PWP1: variants seen among roughly 807,000 people sequenced by gnomAD.
PWP1 encodes the protein PWP1 homolog, endonuclein.
In PWP1, 47 loss-of-function variants were observed where a neutral mutation model predicts 69.9. The ratio of observed to expected loss-of-function variants is 0.67; its 90% CI spans 0.53 to 0.86. The LOEUF is 0.86. PWP1 is among the 40% of genes least tolerant of loss of function. The pLI is 0.00. For synonymous variants in PWP1, 222 were observed against 208.2 expected, an observed-to-expected ratio of 1.07 and a Z score of -0.57; for missense variants, 551 against 608.8, an observed-to-expected ratio of 0.91 and a Z score of 1.00.
chr12:107,694,893 A>G (rs1180820253), intron 5 of PWP1, among the ~76,000 whole-genome samples: 1 of 152,172 alleles, frequency 6.6e-6, no homozygotes, highest in Non-Finnish European at 1.5e-5. Context: ...GTGCAAGAAT[A>G]ACTTCAAATT....
intron 10 of PWP1, among the ~76,000 whole-genome samples, 153 bp from the exon 11 acceptor site, chr12:107,704,483 T>G (rs1288722792): frequency 6.6e-6 from 1 of 152,224 alleles, no homozygotes; most frequent in Non-Finnish European, 1.5e-5. Context: ...TTACTGAAAC[T>G]CAGCTCATTT....
chr12:107,703,569 T>C, intron 9 of PWP1, 116 bp from the exon 10 acceptor site: 1 of 864,392 alleles, frequency 1.2e-6, no homozygotes, highest in South Asian at 1.5e-5. Flanking sequence ...TTGTTTACTG[T>C]ATTTCAGAGG....
At chr12:107,700,861 A>G (rs1447285468) in intron 8 of PWP1, among the ~76,000 whole-genome samples, 1 of 152,042 alleles carries the variant, frequency 6.6e-6, no homozygotes, top group Non-Finnish European at 1.5e-5. Context: ...CCTAATGGGT[A>G]TGAAGTGGTA....
In PWP1 at chr12:107,689,895, C is replaced by T. The variant is rs373377717; in HGVS notation, c.319+1093C>T. On this transcript the variant is annotated intron_variant, in intron 3 of 14. Transcript: ENST00000412830. ...GCTCTTCTGGGGAAAGTAGGTATAA[C>T]GATAAATGGAAAAGGAGCTGACAAA... Among the ~76,000 whole-genome samples the T allele has an allele frequency of 9.9e-5, 15 of 152,280 alleles. No individual in the cohort carries two copies. In the South Asian group the frequency reaches 2.3e-3, roughly 23 times the overall value.
chr12:107,702,589 T>C (rs1391708566), intron 8 of PWP1, among the ~76,000 whole-genome samples: 1 of 152,234 alleles, frequency 6.6e-6, no homozygotes, highest in Non-Finnish European at 1.5e-5. Flanking sequence ...GTGAATCAGC[T>C]TGTCACTTTC....
At chr12:107,711,914 A>G (rs1889960193) in intron 14 of PWP1, among the ~76,000 whole-genome samples, 197 bp from the exon 15 acceptor site, 1 of 152,238 alleles carries the variant, frequency 6.6e-6, no homozygotes, top group South Asian at 2.1e-4. Flanking sequence ...TGGCAAAGAA[A>G]GTAAAGTACA....
Position 107,712,921 on chromosome 12 carries a change from TTAAGTA to T in PWP1, c.*703_*708del. 1 of 152,354 alleles carries T rather than the reference TTAAGTA, an allele frequency of 6.6e-6. No individual in the cohort carries two copies. Among genetic ancestry groups the T allele is most frequent in the African/African-American group, 2.4e-5 (1 of 41,580 alleles). 9.4% of individuals were successfully genotyped at this position (152,354 alleles called of 1,614,324 possible). A position where few individuals can be genotyped will look rare whatever the true frequency, so the allele number is the denominator to read the frequency against. ...GTTTTAATTATAGATTGTCTTCCTA[TTAAGTA>T]TGAGTTTTAGTAGGCATTAAAAATC... On this transcript the variant is annotated 3_prime_UTR_variant, in exon 15 of 15. Transcript: ENST00000412830.
Position 107,701,968 on chromosome 12 carries a change from G to A in PWP1, c.807-967G>A, listed in dbSNP as rs567741234. On this transcript the variant is annotated intron_variant, in intron 8 of 14. Transcript: ENST00000412830. Reference sequence around the variant, plus strand: ...GCTGGGATTATAGGCATGAGCCACCGCGCCCAGCCCCATTTGTTAAGACTT... The same window carrying A: ...GCTGGGATTATAGGCATGAGCCACCACGCCCAGCCCCATTTGTTAAGACTT... Among the ~76,000 whole-genome samples the A allele has an allele frequency of 1.6e-4, 24 of 152,186 alleles. No individual in the cohort carries two copies. The East Asian group carries it at 2.5e-3, about 16-fold the overall frequency.
At position 107,685,838 on chromosome 12, in the gene PWP1, C is replaced by G; in HGVS notation, c.-62C>G. 4 of 1,558,474 alleles carry G rather than the reference C, an allele frequency of 2.6e-6. No homozygotes were observed. The highest frequency in any genetic ancestry group is 3.5e-6 in the Non-Finnish European group (4 of 1,131,330). On this transcript the variant is annotated 5_prime_UTR_variant, in exon 1 of 15. Coordinates refer to ENST00000412830, the MANE Select transcript of PWP1 (RefSeq NM_007062.3). ...GATCCCTGAGCGTGTGGCAGCAGTG[C>G]GGTCGTGGTCCCTCCCTATGCAGCC...
At chr12:107,710,930 C>G (rs1889939129) in intron 14 of PWP1, among the ~76,000 whole-genome samples, 1 of 144,336 alleles carries the variant, frequency 6.9e-6, no homozygotes, top group Admixed American at 6.9e-5. Context: ...CCGAGACCAG[C>G]TCGGTTGGGG....
intron 13 of PWP1, among the ~76,000 whole-genome samples, chr12:107,709,754 A>T (rs915705465): frequency 1.3e-5 from 2 of 152,126 alleles, no homozygotes; most frequent in African/African-American, 4.8e-5. Context: ...GACTGCAGAC[A>T]CAGTAACACT....
At chr12:107,701,635 A>T (rs1889713316) in intron 8 of PWP1, among the ~76,000 whole-genome samples, 1 of 151,900 alleles carries the variant, frequency 6.6e-6, no homozygotes, top group Admixed American at 6.6e-5. Context: ...TAGGGGTCCA[A>T]CTTCATTCTT....
In PWP1 at chr12:107,709,230, A is replaced by G. The variant is rs746424861; in HGVS notation, c.1288A>G (p.Met430Val). 2.5e-6 allele frequency: 4 copies of G among 1,613,162 alleles called. No individual in the cohort carries two copies. Among genetic ancestry groups the G allele is most frequent in the East Asian group, 2.2e-5 (1 of 44,866 alleles). ...PSLVHSRDMK[M>V]GVLFCSSCCP... is the part of the protein sequence containing the mutation. ...TCTAGTTCATTCTAGGGACATGAAA[A>G]TGGTAAGAATCTCCCTGGGTATCTG... The change falls in exon 13 of 15, where the codon ATG (methionine) becomes GTG (valine). Residue 430 changes from methionine (M) to valine (V), a missense_variant and splice_region_variant. By Grantham distance (21) the Met-to-Val change is conservative (BLOSUM62 1). Transcript: ENST00000412830.
intron 3 of PWP1, among the ~76,000 whole-genome samples, chr12:107,691,306 T>G (rs1480554046): frequency 6.6e-6 from 1 of 152,194 alleles, no homozygotes; most frequent in Non-Finnish European, 1.5e-5. Flanking sequence ...GATGGGCAGT[T>G]GCTGGGAAGT....
chr12:107,690,071 G>T (rs962686664), intron 3 of PWP1, among the ~76,000 whole-genome samples: 1 of 152,180 alleles, frequency 6.6e-6, no homozygotes, highest in Non-Finnish European at 1.5e-5. Context: ...TTTGGGAGCT[G>T]AAGGGACTCC....
rs1336511984 is a variant in PWP1 at position 107,694,374 on chromosome 12, T to C, written c.502+1278T>C. On this transcript the variant is annotated intron_variant, in intron 5 of 14. Transcript: ENST00000412830. ...GTTATAGGAAACACAGTTGCACAGC[T>C]TGAAAAAATAAAACCCTTAGGCTTA... Among the ~76,000 whole-genome samples the C allele has an allele frequency of 2.6e-5, 4 of 152,194 alleles. No homozygotes were observed. In the East Asian group the frequency reaches 7.7e-4, roughly 29 times the overall value.
At chr12:107,694,207 GT>G (rs1373508150) in intron 5 of PWP1, among the ~76,000 whole-genome samples, 2 of 152,064 alleles carry the variant, frequency 1.3e-5, no homozygotes, top group Non-Finnish European at 2.9e-5. Flanking sequence ...CAGATTCTCC[GT>G]TTTGTTTTTC....
chr12:107,686,969 C>CAAAAAAA (rs61728433), intron 1 of PWP1, among the ~76,000 whole-genome samples: 8 of 106,770 alleles, frequency 7.5e-5, no homozygotes, highest in Admixed American at 1.0e-4. Context: ...GACTCCGTCT[C>CAAAAAAA]AAAAAAAAAA....
intron 5 of PWP1, among the ~76,000 whole-genome samples, chr12:107,695,927 G>C (rs960890854): frequency 6.6e-6 from 1 of 152,024 alleles, no homozygotes; most frequent in Non-Finnish European, 1.5e-5. Flanking sequence ...AAGGATGCAG[G>C]TGGACTATCA....
Sources: gnomAD v4.1 joint callset for allele counts (sites outside exome capture counted in the v4.1 genomes callset) on GRCh38, gnomAD v4.1.1 for gene constraint, MANE v1.5 for transcripts, NCBI Gene and HGNC (gene_info 2026-07-23, HGNC 2026-07-21) for gene names.